The following UXS1 variants were observed in gnomAD, a reference collection of about 807,000 sequenced individuals.
UXS1 encodes the protein UDP-glucuronic acid decarboxylase 1.
UXS1 carries 33 observed loss-of-function variants against 62.6 expected under a neutral mutation model. The observed-to-expected ratio is 0.53, with a 90% CI of 0.40 to 0.70. UXS1 has a LOEUF of 0.70. Ranked by LOEUF, UXS1 falls within the 30% of genes least tolerant of loss-of-function variation. The pLI, the probability that UXS1 is intolerant of heterozygous loss-of-function variation, is 0.00. For synonymous variants in UXS1, 213 were observed against 206.8 expected, an observed-to-expected ratio of 1.03 and a Z score of -0.26; for missense variants, 434 against 556.3, an observed-to-expected ratio of 0.78 and a Z score of 2.21.
chr2:106,140,567 G>A (rs1222056910), intron 6 of UXS1, among the ~76,000 whole-genome samples: 1 of 149,404 alleles, frequency 6.7e-6, no homozygotes, highest in Admixed American at 6.7e-5. Context: ...CTCTCCTGGT[G>A]CCCCCACCCC....
intron 9 of UXS1, among the ~76,000 whole-genome samples, chr2:106,116,322 G>C (rs1351653771): frequency 1.3e-5 from 2 of 152,196 alleles, no homozygotes; most frequent in Non-Finnish European, 2.9e-5. Context: ...ATAATCAACA[G>C]AGACAACACC....
At position 106,146,588 on chromosome 2, in the gene UXS1, G is replaced by T. The variant is rs151278880; in HGVS notation, c.292-1218C>A. 5.2e-3 allele frequency among the ~76,000 whole-genome samples: 785 copies of T among 151,898 alleles called. 5 individuals carry two copies. Among genetic ancestry groups the T allele is most frequent in the African/African-American group, 0.018 (729 of 41,410 alleles). Reference sequence around the variant, plus strand: ...GAGATCAGGAGTTCAAGACCAGTCGGGCCAACATGGTGAAACCCTGTCTCT... The same window carrying T: ...GAGATCAGGAGTTCAAGACCAGTCGTGCCAACATGGTGAAACCCTGTCTCT... On this transcript the variant is annotated intron_variant, in intron 5 of 14. Coordinates refer to ENST00000283148, the MANE Select transcript of UXS1 (RefSeq NM_001253875.2).
At chr2:106,142,607 G>A (rs556789101) in intron 6 of UXS1, among the ~76,000 whole-genome samples, 31 of 152,296 alleles carry the variant, frequency 2.0e-4, no homozygotes, top group African/African-American at 7.5e-4. Flanking sequence ...AATGTTCCAT[G>A]TGGGCTTCAA....
intron 5 of UXS1, among the ~76,000 whole-genome samples, chr2:106,156,968 T>C (rs1180276231): frequency 6.6e-6 from 1 of 152,150 alleles, no homozygotes; most frequent in African/African-American, 2.4e-5. Flanking sequence ...CCTGAAAACA[T>C]ACTAAGTGAG....
intron 1 of UXS1, among the ~76,000 whole-genome samples, chr2:106,191,122 G>A (rs1319675610): frequency 1.4e-4 from 21 of 152,118 alleles, no homozygotes; most frequent in Non-Finnish European, 2.9e-5. Context: ...CCTAAGACAT[G>A]AAGAAGAGTT....
chr2:106,102,033 C>T (rs1179413240), intron 11 of UXS1: 1 of 152,186 alleles, frequency 6.6e-6, no homozygotes, highest in Non-Finnish European at 1.5e-5. Flanking sequence ...CAAAAGAAAA[C>T]CGCAGATAGG....
At chr2:106,127,552 T>C (rs1208519157) in intron 7 of UXS1, among the ~76,000 whole-genome samples, 1 of 152,200 alleles carries the variant, frequency 6.6e-6, no homozygotes, top group South Asian at 2.1e-4. Context: ...AAGGGAGCTA[T>C]CCTGCTGCTG....
intron 14 of UXS1, among the ~76,000 whole-genome samples, chr2:106,096,320 ATG>A (rs1451808869): frequency 6.6e-6 from 1 of 151,494 alleles, no homozygotes; most frequent in Non-Finnish European, 1.5e-5. Flanking sequence ...ATGTGTGAAA[ATG>A]AGTGTGTGTG....
chr2:106,099,853 T>C (rs530735721), intron 12 of UXS1, among the ~76,000 whole-genome samples: 1 of 152,310 alleles, frequency 6.6e-6, no homozygotes, highest in South Asian at 2.1e-4. Flanking sequence ...AGTGGCACAC[T>C]GTACCCATGA....
At chr2:106,159,837 G>A (rs1682748130) in intron 4 of UXS1, among the ~76,000 whole-genome samples, 3 of 152,194 alleles carry the variant, frequency 2.0e-5, no homozygotes, top group South Asian at 2.1e-4. Flanking sequence ...AGCCCTGAGC[G>A]TGCTTAAATT....
intron 1 of UXS1, among the ~76,000 whole-genome samples, chr2:106,189,923 G>A (rs1277598813): frequency 1.3e-5 from 2 of 152,224 alleles, no homozygotes; most frequent in Non-Finnish European, 2.9e-5. Flanking sequence ...GGAAGAGGAA[G>A]TCAGGAAACA....
intron 6 of UXS1, chr2:106,138,069 G>T: frequency 1.7e-6 from 1 of 596,794 alleles, no homozygotes; most frequent in Non-Finnish European, 2.1e-6. Flanking sequence ...AAGGTATGCA[G>T]GGAAAGACAG....
chr2:106,112,682 GTTGCTGACTAC>G lies in UXS1; in HGVS notation c.832_842del (p.Val278LeufsTer63). ...CCCCCTGGAGCGCCTGCAGGATGAA[GTTGCTGACTAC>G]TCGCCCATCGTTCATGTGCATGCGT... On this transcript the variant is annotated frameshift_variant, in exon 10 of 15. Transcript: ENST00000283148. LOFTEE classifies it high-confidence loss of function. The G allele has an allele frequency of 6.2e-7, 1 of 1,614,034 alleles. No homozygotes were observed. The highest frequency in any genetic ancestry group is 8.5e-7 in the Non-Finnish European group (1 of 1,179,894).
chr2:106,145,974 A>C (rs1268479939), intron 5 of UXS1, among the ~76,000 whole-genome samples: 2 of 152,226 alleles, frequency 1.3e-5, no homozygotes, highest in Admixed American at 6.5e-5. Flanking sequence ...ATGTGAACCC[A>C]GTGTGGTATA....
chr2:106,136,976 A>AAAAAAAAAAAAAAAAC (rs1680701203), intron 6 of UXS1, among the ~76,000 whole-genome samples: 1 of 143,424 alleles, frequency 7.0e-6, no homozygotes, highest in African/African-American at 2.6e-5. Context: ...AAAAAAAAAA[A>AAAAAAAAAAAAAAAAC]AAAAAAAAAA....
intron 6 of UXS1, among the ~76,000 whole-genome samples, chr2:106,142,833 C>T (rs1036717123): frequency 1.3e-5 from 2 of 152,030 alleles, no homozygotes; most frequent in African/African-American, 4.8e-5. Context: ...ACTGAGGGAA[C>T]GCAATACTCT....
rs752309214 is a variant in UXS1 at position 106,125,722 on chromosome 2, G to A, written c.578-43C>T. 15 of 1,497,736 alleles carry A rather than the reference G, an allele frequency of 1.0e-5. No homozygotes were observed. The South Asian group carries it at 1.3e-4, about 13-fold the overall frequency. The allele number at this position is 1,497,736 out of a possible 1,614,324, so 92.8% of individuals were successfully genotyped here. On this transcript the variant is annotated intron_variant, in intron 7 of 14. Coordinates refer to ENST00000283148, the MANE Select transcript of UXS1 (RefSeq NM_001253875.2). ...ATGATAAAAGAGACTGAATTTACAT[G>A]TGCAGGCACATTTTTTGCTGGCCAA...
At chr2:106,183,242 A>T (rs74462886) in intron 1 of UXS1, among the ~76,000 whole-genome samples, 115,148 of 131,074 alleles carry the variant, frequency 0.88, 49,782 homozygotes, top group Non-Finnish European at 0.9. Flanking sequence ...GTCTTTTTTA[A>T]AAAAAAAAAA....
chr2:106,172,348 C>A (rs1683618285), intron 1 of UXS1, among the ~76,000 whole-genome samples: 1 of 152,188 alleles, frequency 6.6e-6, no homozygotes, highest in African/African-American at 2.4e-5. Context: ...ACCTAGGCCT[C>A]TAGACGGAAC....
Sources: allele counts gnomAD v4.1 joint callset (sites outside exome capture counted in the v4.1 genomes callset), GRCh38; gene constraint gnomAD v4.1.1; transcripts MANE v1.5; gene names NCBI Gene and HGNC (gene_info 2026-07-23, HGNC 2026-07-21).